EYA4: variants seen among roughly 807,000 people sequenced by gnomAD.
EYA4 encodes EYA transcriptional coactivator and phosphatase 4.
Under a neutral mutation model 87.9 loss-of-function variants are expected in EYA4, and 31 were observed. That is an observed-to-expected ratio of 0.35 (90% CI 0.27 to 0.48). The LOEUF (loss-of-function observed/expected upper bound fraction) is 0.48. Among genes scored for constraint, EYA4 ranks in the 20% least tolerant of loss-of-function variants. The pLI is 0.99. For synonymous variants in EYA4, 263 were observed against 270.6 expected (o/e 0.97, Z 0.28); for missense variants, 678 against 761.4 (o/e 0.89, Z 1.29).
At chr6:133,272,887 G>A (rs1776819690) in intron 1 of EYA4, among the ~76,000 whole-genome samples, 1 of 151,926 alleles carries the variant, frequency 6.6e-6, no homozygotes, top group Non-Finnish European at 1.5e-5. Context: ...AACTTTAAAT[G>A]GGTTAGAAGC....
chr6:133,488,510 C>T (rs554309460), intron 13 of EYA4, among the ~76,000 whole-genome samples: 1 of 152,242 alleles, frequency 6.6e-6, no homozygotes, highest in African/African-American at 2.4e-5. Flanking sequence ...CACAGAGGTG[C>T]TTGTGTCACC....
rs140115760 is a variant in EYA4, at chr6:133,512,166, T to A, written c.1282-555T>A. Among the ~76,000 whole-genome samples the A allele has an allele frequency of 3.4e-3, 524 of 152,266 alleles. 3 individuals carry two copies. The highest frequency in any genetic ancestry group is 6.1e-3 in the Non-Finnish European group (415 of 68,018). On this transcript the variant is annotated intron_variant, in intron 14 of 19. Transcript: ENST00000355286. ...TGTCAATATCTATGATCATTACCCTTTTTCTGTGTCAAAAGACTAGGACCT... is the reference window on the plus strand; with the variant it reads ...TGTCAATATCTATGATCATTACCCTATTTCTGTGTCAAAAGACTAGGACCT...
intron 1 of EYA4, among the ~76,000 whole-genome samples, chr6:133,254,864 G>T (rs1582757445): frequency 6.6e-6 from 1 of 152,172 alleles, no homozygotes; most frequent in African/African-American, 2.4e-5. Context: ...AGAACTTCAT[G>T]CTGGGGACAC....
chr6:133,449,269 C>G (rs1793168178), intron 5 of EYA4, among the ~76,000 whole-genome samples: 1 of 152,046 alleles, frequency 6.6e-6, no homozygotes, highest in African/African-American at 2.4e-5. Context: ...TGGCTATGGT[C>G]CAATAAAACT....
chr6:133,353,598 G>A (rs1015869006), intron 2 of EYA4, among the ~76,000 whole-genome samples: 4 of 152,110 alleles, frequency 2.6e-5, no homozygotes, highest in South Asian at 2.1e-4. Flanking sequence ...TGAGATAAAC[G>A]TGAAAATTCC....
chr6:133,462,865 G>C (rs1794520282), intron 9 of EYA4, 101 bp downstream of exon 9: 10 of 1,080,004 alleles, frequency 9.3e-6, no homozygotes, highest in Non-Finnish European at 1.1e-5. Flanking sequence ...GTAGTTTTAA[G>C]CTTTATCACA....
At chr6:133,273,501 A>G (rs1412881859) in intron 1 of EYA4, among the ~76,000 whole-genome samples, 2 of 152,054 alleles carry the variant, frequency 1.3e-5, no homozygotes, top group Admixed American at 6.6e-5. Context: ...TAACCACCAC[A>G]GTGTCCGATT....
intron 1 of EYA4, among the ~76,000 whole-genome samples, chr6:133,270,623 C>T (rs377637689): frequency 6.6e-6 from 1 of 152,150 alleles, no homozygotes; most frequent in South Asian, 2.1e-4. Flanking sequence ...GCAAGCACCT[C>T]AACAGGTCAT....
intron 2 of EYA4, among the ~76,000 whole-genome samples, chr6:133,368,103 G>A (rs1224011541): frequency 6.6e-6 from 1 of 152,130 alleles, no homozygotes; most frequent in Non-Finnish European, 1.5e-5. Flanking sequence ...AAAGTAAAGG[G>A]ATACCATTTC....
chr6:133,354,532 T>G (rs1051118915), intron 2 of EYA4, among the ~76,000 whole-genome samples: 10 of 152,220 alleles, frequency 6.6e-5, no homozygotes, highest in African/African-American at 1.9e-4. Flanking sequence ...TTATTTTATC[T>G]TAATTTTTCG....
intron 2 of EYA4, among the ~76,000 whole-genome samples, chr6:133,319,973 A>G (rs2128351785): frequency 6.6e-6 from 1 of 152,120 alleles, no homozygotes; most frequent in East Asian, 1.9e-4. Context: ...TCAGCCTTCC[A>G]AAGTGTTAGG....
At chr6:133,258,594 C>G (rs371432549) in intron 1 of EYA4, among the ~76,000 whole-genome samples, 3 of 152,248 alleles carry the variant, frequency 2.0e-5, no homozygotes, top group Admixed American at 1.3e-4. Context: ...CCCTCCTCCC[C>G]TTCTATAGAG....
chr6:133,284,438 T>C (rs1777869309), intron 2 of EYA4, among the ~76,000 whole-genome samples: 1 of 152,176 alleles, frequency 6.6e-6, no homozygotes, highest in African/African-American at 2.4e-5. Context: ...CCTCCCAAAG[T>C]GCTGGGATTA....
chr6:133,250,974 G>A (rs1774852213), intron 1 of EYA4, among the ~76,000 whole-genome samples: 1 of 152,142 alleles, frequency 6.6e-6, no homozygotes, highest in South Asian at 2.1e-4. Flanking sequence ...GACCATAAAT[G>A]GAGTGTCCAG....
In EYA4 at chr6:133,530,011, G is replaced by C; in HGVS notation, c.*1206G>C. ...TGCACAGGGCTTAAAATAAAGCTAA[G>C]TATGTTTATTCCCAATGCCATGGCA... On this transcript the variant is annotated 3_prime_UTR_variant, in exon 20 of 20. Coordinates refer to ENST00000355286, the MANE Select transcript of EYA4 (RefSeq NM_004100.5). 1 of 985,236 alleles carries C rather than the reference G, an allele frequency of 1.0e-6. No individual in the cohort carries two copies. The highest frequency in any genetic ancestry group is 1.2e-6 in the Non-Finnish European group (1 of 829,768). The allele number at this position is 985,236 out of a possible 1,614,324, so 61.0% of individuals were successfully genotyped here.
chr6:133,337,374 A>G (rs1357463170), intron 2 of EYA4, among the ~76,000 whole-genome samples: 2 of 152,202 alleles, frequency 1.3e-5, no homozygotes, highest in African/African-American at 2.4e-5. Flanking sequence ...ACTTCATATT[A>G]TATTGTTAAT....
rs1164933457 is a variant in EYA4, at chr6:133,477,801, A to G, written c.971-3662A>G. Among the ~76,000 whole-genome samples the G allele has an allele frequency of 4.7e-5, 7 of 148,086 alleles. No individual in the cohort carries two copies. The Admixed American group carries it at 4.9e-4, about 10-fold the overall frequency. Reference sequence around the variant, plus strand: ...GGACCTAATTCACCGGGTTGGAGTGAGGTTTAAGTCAGACACACACACACA... The same window carrying G: ...GGACCTAATTCACCGGGTTGGAGTGGGGTTTAAGTCAGACACACACACACA... On this transcript the variant is annotated intron_variant, in intron 11 of 19. Transcript: ENST00000355286.
At chr6:133,523,475 G>C (rs541438311) in intron 18 of EYA4, among the ~76,000 whole-genome samples, 2 of 152,218 alleles carry the variant, frequency 1.3e-5, no homozygotes, top group African/African-American at 4.8e-5. Context: ...AGTTTAATTA[G>C]TTTGGCTTAT....
Position 133,530,990 on chromosome 6 carries a change from T to A in EYA4, c.*2185T>A. On this transcript the variant is annotated 3_prime_UTR_variant, in exon 20 of 20. Transcript: ENST00000355286. Reference sequence around the variant, plus strand: ...ATTTATTACTGTGAATAAAAACAAATTATCTTTACTGTATAGCTGGTTTCT... The same window carrying A: ...ATTTATTACTGTGAATAAAAACAAAATATCTTTACTGTATAGCTGGTTTCT... 1 of 1,285,154 alleles carries A rather than the reference T, an allele frequency of 7.8e-7. No individual in the cohort carries two copies. Among genetic ancestry groups the A allele is most frequent in the East Asian group, 2.9e-5 (1 of 34,414 alleles). 79.6% of individuals were successfully genotyped at this position (1,285,154 alleles called of 1,614,324 possible). A position where few individuals can be genotyped will look rare whatever the true frequency, so the allele number is the denominator to read the frequency against.
Sources: gnomAD v4.1 joint callset for allele counts (sites outside exome capture counted in the v4.1 genomes callset) on GRCh38, gnomAD v4.1.1 for gene constraint, MANE v1.5 for transcripts, NCBI Gene and HGNC (gene_info 2026-07-23, HGNC 2026-07-21) for gene names.